Variants in ABAT observed in about 807,000 individuals in gnomAD.
ABAT encodes 4-aminobutyrate aminotransferase, also known as 4-aminobutyrate aminotransferase, mitochondrial.
A neutral mutation model predicts 64.6 loss-of-function variants in ABAT; 45 were observed. The observed-to-expected ratio is 0.70, with a 90% CI of 0.55 to 0.89. ABAT has a LOEUF of 0.89. Among genes scored for constraint, ABAT ranks in the 40% least tolerant of loss-of-function variants. ABAT has a pLI of 0.00. For synonymous variants in ABAT, 297 were observed against 250.5 expected, an observed-to-expected ratio of 1.19 and a Z score of -1.75; for missense variants, 633 against 658.4, an observed-to-expected ratio of 0.96 and a Z score of 0.42.
Position 8,772,826 on chromosome 16 carries a change from C to CCGGGATCAT in ABAT, c.866_874dup (p.Gly289_Ile291dup), listed in dbSNP as rs2060152853. 1 of 1,614,042 alleles carries CCGGGATCAT rather than the reference C, an allele frequency of 6.2e-7. No individual in the cohort carries two copies. The highest frequency in any genetic ancestry group is 8.5e-7 in the Non-Finnish European group (1 of 1,180,016). ...TATCGGAAAAAGAAGAAGACGGTGG[C>CCGGGATCAT]CGGGATCATCGTGGAGCCCATCCAG... is the stretch of plus-strand genomic sequence containing the variant. On this transcript the variant is annotated inframe_insertion, in exon 12 of 16. Transcript: ENST00000268251.
rs377719901 is a variant in ABAT at position 8,733,520 on chromosome 16, G to A, written c.-41-2179G>A. Among the ~76,000 whole-genome samples the A allele has an allele frequency of 4.4e-4, 67 of 152,004 alleles. 3 individuals carry two copies. Among genetic ancestry groups the A allele is most frequent in the East Asian group, 1.9e-3 (10 of 5,184 alleles). ...GGTTGTAGCAAGCCGAGATCACGCC[G>A]CTGCACTCCAGCCTGGGCACCATTG... On this transcript the variant is annotated intron_variant, in intron 1 of 15. Coordinates refer to ENST00000268251, the MANE Select transcript of ABAT (RefSeq NM_020686.6).
At chr16:8,707,811 C>A (rs2057981902) in intron 1 of ABAT, among the ~76,000 whole-genome samples, 1 of 152,144 alleles carries the variant, frequency 6.6e-6, no homozygotes, top group Non-Finnish European at 1.5e-5. Flanking sequence ...CTCAAGCAAA[C>A]CTCCAGCCTT....
chr16:8,682,751 G>T (rs1044968631), intron 1 of ABAT, among the ~76,000 whole-genome samples: 4 of 152,152 alleles, frequency 2.6e-5, no homozygotes, highest in Admixed American at 2.6e-4. Flanking sequence ...TCCTTCAAAG[G>T]TGGGACCCAC....
chr16:8,731,300 C>G (rs979284453), intron 1 of ABAT: 3 of 152,198 alleles, frequency 2.0e-5, no homozygotes, highest in Non-Finnish European at 2.9e-5. Context: ...ATTCATGTTT[C>G]ATAGTTCAGG....
rs374865268 is a variant in ABAT at position 8,776,379 on chromosome 16, G to A, written c.1158G>A (p.Pro386=). The part of the protein sequence containing the change: ...YRIFNTWLGD[P]SKNLLLAEVI... ...TCTTCAACACCTGGCTGGGGGACCC[G>A]TCCAAGAACCTGTTGCTGGCTGAGG... is the stretch of plus-strand genomic sequence containing the variant. Residue 386 remains proline, a synonymous_variant, in exon 14 of 16, where the codon CCG becomes CCA. Transcript: ENST00000268251. The surrounding 1 kb of genome is among the most constrained non-coding windows in gnomAD (Gnocchi z 4.4). 38 of 1,614,168 alleles carry A rather than the reference G, an allele frequency of 2.4e-5. No individual in the cohort carries two copies. Among genetic ancestry groups the A allele is most frequent in the African/African-American group, 1.5e-4 (11 of 75,032 alleles).
At chr16:8,707,091 A>C (rs1325413728) in intron 1 of ABAT, among the ~76,000 whole-genome samples, 7 of 152,128 alleles carry the variant, frequency 4.6e-5, no homozygotes, top group Non-Finnish European at 1.0e-4. Context: ...GCCACCACTG[A>C]GCTAAGAAGT....
chr16:8,747,123 G>A (rs1298829999), intron 3 of ABAT, among the ~76,000 whole-genome samples: 3 of 152,160 alleles, frequency 2.0e-5, no homozygotes, highest in African/African-American at 4.8e-5. Context: ...CATCACTGCT[G>A]CCTCCTTCTG....
At chr16:8,726,969 G>C (rs2058576198) in intron 1 of ABAT, among the ~76,000 whole-genome samples, 1 of 152,126 alleles carries the variant, frequency 6.6e-6, no homozygotes, top group Non-Finnish European at 1.5e-5. Flanking sequence ...TCATGTGCTT[G>C]CTTGCCATTT....
intron 1 of ABAT, among the ~76,000 whole-genome samples, chr16:8,733,127 ACCCC>A (rs1202977957): frequency 1.2e-5 from 1 of 85,286 alleles, no homozygotes. Flanking sequence ...CGGGGGGCTG[ACCCC>A]CCCCCACCTC....
intron 2 of ABAT, among the ~76,000 whole-genome samples, chr16:8,742,634 G>A (rs1811887592): frequency 6.6e-6 from 1 of 152,054 alleles, no homozygotes. Flanking sequence ...GGGGGCCAAG[G>A]CGGGTGGATT....
chr16:8,763,187 C>T (rs1218099050), intron 6 of ABAT, among the ~76,000 whole-genome samples: 1 of 151,672 alleles, frequency 6.6e-6, no homozygotes, highest in Non-Finnish European at 1.5e-5. Flanking sequence ...GCAGAGGCTA[C>T]CTGGAGTATC....
At chr16:8,705,713 C>T (rs1305259722) in intron 1 of ABAT, among the ~76,000 whole-genome samples, 1 of 152,066 alleles carries the variant, frequency 6.6e-6, no homozygotes, top group Non-Finnish European at 1.5e-5. Flanking sequence ...TGGTTTTTTG[C>T]TAGGTTTTAG....
intron 1 of ABAT, among the ~76,000 whole-genome samples, chr16:8,688,797 G>A (rs990860825): frequency 6.6e-6 from 1 of 152,232 alleles, no homozygotes; most frequent in Non-Finnish European, 1.5e-5. Flanking sequence ...AAGAAGTCCA[G>A]CTGGGCATGG....
rs55862439 is a variant in ABAT at position 8,737,991 on chromosome 16, G to GAAAGAAAGAAAGAAAGAAAGAAAAA, written c.70+2182_70+2183insAAAGAAAGAAAGAAAGAAAGAAAAA. ...AAGGAAGGAAGGAAGGAAGGAAGGA[G>GAAAGAAAGAAAGAAAGAAAGAAAAA]GAAAGAAAGAAAGAAAGAAAGAAAG... On this transcript the variant is annotated intron_variant, in intron 2 of 15. Coordinates refer to ENST00000268251, the MANE Select transcript of ABAT (RefSeq NM_020686.6). Among the ~76,000 whole-genome samples, 3 of 14,952 alleles carry GAAAGAAAGAAAGAAAGAAAGAAAAA rather than the reference G, an allele frequency of 2.0e-4. 1 individual carries two copies. Among genetic ancestry groups the GAAAGAAAGAAAGAAAGAAAGAAAAA allele is most frequent in the African/African-American group, 8.5e-4 (3 of 3,526 alleles). 9.8% of individuals were successfully genotyped at this position (14,952 alleles called of 152,430 possible). A position where few individuals can be genotyped will look rare whatever the true frequency, so the allele number is the denominator to read the frequency against.
intron 1 of ABAT, among the ~76,000 whole-genome samples, chr16:8,724,326 C>T (rs528087436): frequency 6.6e-6 from 1 of 152,286 alleles, no homozygotes; most frequent in African/African-American, 2.4e-5. Context: ...ATAAGTAAAG[C>T]TAAAAGAGGC....
chr16:8,725,190 A>G (rs367747587), intron 1 of ABAT, among the ~76,000 whole-genome samples: 22 of 152,346 alleles, frequency 1.4e-4, no homozygotes, highest in African/African-American at 4.1e-4. Context: ...TGCTACGATT[A>G]TAGGCGTGAG....
chr16:8,721,409 T>TC (rs2058367857), intron 1 of ABAT, among the ~76,000 whole-genome samples: 1 of 152,000 alleles, frequency 6.6e-6, no homozygotes, highest in African/African-American at 2.4e-5. Context: ...CTCCAGAGCT[T>TC]CCCCCGGTGC....
At chr16:8,778,788 A>C (rs542549067) in intron 14 of ABAT, among the ~76,000 whole-genome samples, 10,742 of 151,634 alleles carry the variant, frequency 0.071, 463 homozygotes, top group Middle Eastern at 0.13. Context: ...AAAAAAAAAA[A>C]CAAAAAACAA....
intron 1 of ABAT, among the ~76,000 whole-genome samples, chr16:8,676,342 T>TGGC (rs1490482462): frequency 9.2e-5 from 14 of 152,212 alleles, no homozygotes; most frequent in African/African-American, 2.6e-4. Context: ...GGGAGACAGC[T>TGGC]GGCCCCAACC....
Sources: gnomAD v4.1 joint callset for allele counts (sites outside exome capture counted in the v4.1 genomes callset) on GRCh38, gnomAD v4.1.1 for gene constraint, Gnocchi (gnomAD v3.1) non-coding constraint, MANE v1.5 for transcripts, NCBI Gene and HGNC (gene_info 2026-07-23, HGNC 2026-07-21) for gene names.